Variants in TNFAIP8 observed in about 807,000 individuals in gnomAD.
TNFAIP8 encodes the protein tumor necrosis factor alpha-induced protein 8.
Under a neutral mutation model 13.3 loss-of-function variants are expected in TNFAIP8, and 7 were observed. The ratio of observed to expected loss-of-function variants is 0.52; its 90% CI spans 0.30 to 0.99. TNFAIP8 has a LOEUF of 0.99. Ranked by LOEUF, TNFAIP8 falls within the 50% of genes least tolerant of loss-of-function variation. The pLI, the probability that TNFAIP8 is intolerant of heterozygous loss-of-function variation, is 0.07. For missense variants in TNFAIP8, 258 were observed against 236.9 expected, an observed-to-expected ratio of 1.09 and a Z score of -0.58; for synonymous variants, 94 against 87.6, an observed-to-expected ratio of 1.07 and a Z score of -0.41.
intron 1 of TNFAIP8, among the ~76,000 whole-genome samples, chr5:119,299,997 C>T (rs1264078354): frequency 6.6e-6 from 1 of 152,232 alleles, no homozygotes; most frequent in Admixed American, 6.5e-5. Flanking sequence ...ACCCGATTTT[C>T]CAGGTGCCGT....
intron 1 of TNFAIP8, among the ~76,000 whole-genome samples, chr5:119,335,845 T>C (rs796698283): frequency 1.1e-4 from 16 of 151,916 alleles, no homozygotes; most frequent in African/African-American, 3.9e-4. Context: ...AAAAAGATAT[T>C]TTCAAGCTGA....
intron 1 of TNFAIP8, among the ~76,000 whole-genome samples, chr5:119,281,306 A>ACACACACACTCTCTCTCTCT: frequency 7.9e-5 from 9 of 114,134 alleles, no homozygotes; most frequent in African/African-American, 2.7e-4. Context: ...ACACACACAC[A>ACACACACACTCTCTCTCTCT]CTCTCTCTCT....
intron 1 of TNFAIP8, among the ~76,000 whole-genome samples, chr5:119,294,827 C>T (rs2112637470): frequency 6.6e-6 from 1 of 152,154 alleles, no homozygotes; most frequent in Admixed American, 6.5e-5. Flanking sequence ...CTTTTGGCTG[C>T]ATAAATGTCT....
chr5:119,371,892 C>T (rs1259470583), intron 1 of TNFAIP8, among the ~76,000 whole-genome samples: 2 of 151,626 alleles, frequency 1.3e-5, no homozygotes, highest in Non-Finnish European at 2.9e-5. Flanking sequence ...AATCCCATCA[C>T]TTTGGGAGGC....
Position 119,395,172 on chromosome 5 carries a change from G to A in TNFAIP8, c.*1791G>A, listed in dbSNP as rs6893184. ...GAAAGTATCATTCTCACTTCCTAGA[G>A]CCAGTAGGTGATCAGTATATGCTGT... is the stretch of plus-strand genomic sequence containing the variant. On this transcript the variant is annotated 3_prime_UTR_variant, in exon 2 of 2. Transcript: ENST00000504771. 99,769 of 152,066 alleles carry A rather than the reference G, an allele frequency of 0.66. 33,638 individuals carry two copies. Among genetic ancestry groups the A allele is most frequent in the African/African-American group, 0.71 (29,442 of 41,466 alleles). 9.4% of individuals were successfully genotyped at this position (152,066 alleles called of 1,614,324 possible).
chr5:119,359,324 CT>C (rs1272464352), intron 1 of TNFAIP8, among the ~76,000 whole-genome samples: 1 of 152,140 alleles, frequency 6.6e-6, no homozygotes, highest in Admixed American at 6.5e-5. Flanking sequence ...TTTAAAGAGG[CT>C]TTTTCTGAAC....
At chr5:119,306,999 G>T (rs969742057) in intron 1 of TNFAIP8, among the ~76,000 whole-genome samples, 1 of 152,122 alleles carries the variant, frequency 6.6e-6, no homozygotes, top group African/African-American at 2.4e-5. Context: ...GGACTCTTAA[G>T]ATGCTATTGA....
intron 1 of TNFAIP8, among the ~76,000 whole-genome samples, chr5:119,276,343 C>G (rs891989428): frequency 2.0e-5 from 3 of 152,094 alleles, no homozygotes; most frequent in African/African-American, 7.2e-5. Flanking sequence ...GTCTCGAACT[C>G]CTGACCTCAA....
At chr5:119,287,517 A>G (rs1387882267) in intron 1 of TNFAIP8, among the ~76,000 whole-genome samples, 2 of 152,026 alleles carry the variant, frequency 1.3e-5, no homozygotes, top group African/African-American at 2.4e-5. Context: ...AGAATTATTA[A>G]CTATAGTCGC....
At chr5:119,386,701 G>A (rs977921381) in intron 1 of TNFAIP8, among the ~76,000 whole-genome samples, 6 of 152,162 alleles carry the variant, frequency 3.9e-5, no homozygotes, top group Non-Finnish European at 7.4e-5. Flanking sequence ...TAACCACTTG[G>A]GGGGATGTGC....
intron 1 of TNFAIP8, among the ~76,000 whole-genome samples, chr5:119,287,836 C>T (rs1490155059): frequency 6.6e-6 from 1 of 152,158 alleles, no homozygotes; most frequent in South Asian, 2.1e-4. Flanking sequence ...GTTTAGCAGG[C>T]TAGACACAGT....
chr5:119,366,422 G>A (rs1452575465), intron 1 of TNFAIP8, among the ~76,000 whole-genome samples: 1 of 152,202 alleles, frequency 6.6e-6, no homozygotes, highest in Admixed American at 6.5e-5. Flanking sequence ...ATTGAGGAAT[G>A]CTGCCCCTCT....
intron 1 of TNFAIP8, among the ~76,000 whole-genome samples, chr5:119,374,115 A>G (rs969252287): frequency 1.3e-5 from 2 of 152,242 alleles, no homozygotes; most frequent in African/African-American, 4.8e-5. Flanking sequence ...TACATTAAGT[A>G]ACCATAAGTT....
At chr5:119,384,314 T>G (rs971316531) in intron 1 of TNFAIP8, among the ~76,000 whole-genome samples, 13 of 152,068 alleles carry the variant, frequency 8.5e-5, no homozygotes, top group African/African-American at 2.9e-4. Flanking sequence ...GCAAAACCCC[T>G]TCTCTACTAA....
chr5:119,271,523 A>G (rs1184162536), intron 1 of TNFAIP8, among the ~76,000 whole-genome samples: 7 of 152,192 alleles, frequency 4.6e-5, no homozygotes, highest in Non-Finnish European at 7.3e-5. Context: ...ATAGCAGTTG[A>G]AGGGGCTGAA....
intron 1 of TNFAIP8, among the ~76,000 whole-genome samples, chr5:119,278,376 A>AGAGAGAGAGAGT (rs760411484): frequency 9.2e-6 from 1 of 108,190 alleles, no homozygotes; most frequent in Non-Finnish European, 1.9e-5. Flanking sequence ...AGAGAGAGAG[A>AGAGAGAGAGAGT]GTGTGTGTGT....
At chr5:119,292,032 G>A (rs118015289) in intron 1 of TNFAIP8, among the ~76,000 whole-genome samples, 1,566 of 152,296 alleles carry the variant, frequency 0.01, 23 homozygotes, top group South Asian at 0.05. Context: ...AGGGCTCACC[G>A]GGAGAGGACC....
chr5:119,303,620 T>C (rs1021463191), intron 1 of TNFAIP8, among the ~76,000 whole-genome samples: 2 of 152,184 alleles, frequency 1.3e-5, no homozygotes, highest in African/African-American at 4.8e-5. Flanking sequence ...GTTGAATGCT[T>C]GCTTCAGACA....
chr5:119,337,783 A>G (rs1260422604), intron 1 of TNFAIP8, among the ~76,000 whole-genome samples: 2 of 152,194 alleles, frequency 1.3e-5, no homozygotes, highest in African/African-American at 4.8e-5. Flanking sequence ...ATGGAGAATG[A>G]GAGTGCTCAG....
Sources: allele counts gnomAD v4.1 joint callset (sites outside exome capture counted in the v4.1 genomes callset), GRCh38; gene constraint gnomAD v4.1.1; transcripts MANE v1.5; gene names NCBI Gene and HGNC (gene_info 2026-07-23, HGNC 2026-07-21).